Variants in RYR1 observed in about 807,000 individuals in gnomAD.
RYR1 encodes ryanodine receptor 1, also known as central core disease of muscle.
In RYR1, 342 loss-of-function variants were observed where a neutral mutation model predicts 583.5. The observed-to-expected ratio is 0.59, with a 90% CI of 0.54 to 0.64. The LOEUF (loss-of-function observed/expected upper bound fraction) is 0.64. RYR1 is among the 30% of genes least tolerant of loss of function. RYR1 has a pLI of 0.00. For missense variants in RYR1, 6,032 were observed against 6,917.2 expected, an observed-to-expected ratio of 0.87 and a Z score of 4.54; for synonymous variants, 2,791 against 2,822.5, an observed-to-expected ratio of 0.99 and a Z score of 0.35.
At chr19:38,523,410 C>A in intron 69 of RYR1, 101 bp downstream of exon 69, 2 of 1,384,808 alleles carry the variant, frequency 1.4e-6, no homozygotes, top group Non-Finnish European at 2.0e-6. Flanking sequence ...CCGTCCTGGG[C>A]GCAATCCCTG....
chr19:38,582,735 A>C (rs1292258973), intron 101 of RYR1, among the ~76,000 whole-genome samples: 1 of 152,210 alleles, frequency 6.6e-6, no homozygotes, highest in African/African-American at 2.4e-5. Flanking sequence ...AATGGTGATC[A>C]TAACCCAAAT....
In RYR1 at chr19:38,578,135, C is replaced by T; in HGVS notation, c.14304-9C>T. ...ACTCAAGCATCTCTCCCCACCCCCG[C>T]CCCCACAGGCTCATGTCCATCGATG... On this transcript the variant is annotated splice_polypyrimidine_tract_variant and intron_variant, in intron 98 of 105. Transcript: ENST00000359596. 4.3e-6 allele frequency: 7 copies of T among 1,613,388 alleles called. No homozygotes were observed. Among genetic ancestry groups the T allele is most frequent in the Non-Finnish European group, 5.9e-6 (7 of 1,179,728 alleles).
intron 76 of RYR1, 30 bp downstream of exon 76, chr19:38,529,087 G>C (rs904796574): frequency 1.2e-6 from 2 of 1,610,100 alleles, no homozygotes; most frequent in African/African-American, 2.7e-5. Flanking sequence ...CCCCAGAAAT[G>C]CCCCCAAGGT....
intron 90 of RYR1, among the ~76,000 whole-genome samples, chr19:38,563,615 C>T (rs980002547): frequency 2.0e-5 from 3 of 152,214 alleles, no homozygotes; most frequent in African/African-American, 7.2e-5. Flanking sequence ...CATGCAGCAT[C>T]TATTAACTCA....
Position 38,570,591 on chromosome 19 carries a change from T to C in RYR1, c.13660-16T>C, listed in dbSNP as rs1425812048. The C allele has an allele frequency of 3.0e-5, 49 of 1,606,820 alleles. No homozygotes were observed. The highest frequency in any genetic ancestry group is 3.8e-5 in the Non-Finnish European group (45 of 1,173,376). ...TGATCTGTGAGCGCTTTCTCTCTTT[T>C]TCTCTTCTCTCTCAGAACTACCTGT... On this transcript the variant is annotated splice_polypyrimidine_tract_variant and intron_variant, in intron 93 of 105. Coordinates refer to ENST00000359596, the MANE Select transcript of RYR1 (RefSeq NM_000540.3).
At chr19:38,547,718 C>CT (rs34547615) in intron 88 of RYR1, among the ~76,000 whole-genome samples, 12,277 of 142,050 alleles carry the variant, frequency 0.086, 716 homozygotes, top group South Asian at 0.25. Context: ...TCATCATTAT[C>CT]TTTTTTTTTT....
intron 66 of RYR1, among the ~76,000 whole-genome samples, 194 bp downstream of exon 66, chr19:38,517,885 C>A (rs1971048261): frequency 6.6e-6 from 1 of 152,188 alleles, no homozygotes; most frequent in African/African-American, 2.4e-5. Flanking sequence ...TTGGGAGGAT[C>A]AGTTGAGGCC....
chr19:38,504,732 C>T lies in RYR1; in HGVS notation c.8068-16C>T. 6.2e-7 allele frequency: 1 copy of T among 1,613,864 alleles called. No individual in the cohort carries two copies. Among genetic ancestry groups the T allele is most frequent in the East Asian group, 2.2e-5 (1 of 44,880 alleles). ...TTATAGCGACCTCCTACCCCTGCTT[C>T]ACCCGGTTTTCCCAGAAATACGACC... On this transcript the variant is annotated splice_polypyrimidine_tract_variant and intron_variant, in intron 50 of 105. Coordinates refer to ENST00000359596, the MANE Select transcript of RYR1 (RefSeq NM_000540.3).
chr19:38,573,295 T>C lies in RYR1; in HGVS notation c.14117T>C (p.Val4706Ala). 6.2e-7 allele frequency: 1 copy of C among 1,613,452 alleles called. No homozygotes were observed. Among genetic ancestry groups the C allele is most frequent in the Non-Finnish European group, 8.5e-7 (1 of 1,179,790 alleles). ...GTGAAGGGGCAGTGGGACCGACTGG[T>C]GCTCAACACGCCGTAAGGACCCAGC... ...DDVKGQWDRLVLNTPSFPSNY... is the reference protein window; with the variant it reads ...DDVKGQWDRLALNTPSFPSNY... The change falls in exon 96 of 106, where the codon GTG becomes GCG. Residue 4706 changes from valine to alanine, a missense_variant. Physicochemically the swap from Val to Ala is moderately conservative, Grantham distance 64. This residue lies in a region of RYR1 where 188 missense variants were observed against 215.6 expected (regional missense o/e 0.87). Coordinates refer to ENST00000359596, the MANE Select transcript of RYR1 (RefSeq NM_000540.3).
At chr19:38,503,380 CTTA>C (rs1488645361) in intron 49 of RYR1, among the ~76,000 whole-genome samples, 2 of 152,020 alleles carry the variant, frequency 1.3e-5, no homozygotes, top group African/African-American at 2.4e-5. Context: ...CACTGTCTCT[CTTA>C]TTTTTTCATT....
intron 30 of RYR1, 64 bp downstream of exon 30, chr19:38,477,934 C>A: frequency 1.3e-6 from 2 of 1,497,570 alleles, no homozygotes; most frequent in South Asian, 1.2e-5. Context: ...TCAGAGCTCC[C>A]GACACCAGCT....
In RYR1 at chr19:38,561,319, GGA is replaced by G; in HGVS notation, c.12491_12492del (p.Glu4164AlafsTer7). ...ATGACCCTCGCCTGCACAACTTCCT[GGA>G]GCTGGCCGAGAGCATCCTTGAGTAC... The part of the protein sequence containing the change: ...PHDPRLHNFL[E>X]LAESILEYFR... On this transcript the variant is annotated frameshift_variant, in exon 90 of 106. Coordinates refer to ENST00000359596, the MANE Select transcript of RYR1 (RefSeq NM_000540.3). LOFTEE classifies it high-confidence loss of function. The surrounding 1 kb of genome is among the most constrained non-coding windows in gnomAD (Gnocchi z 4.8). 1 of 1,614,030 alleles carries G rather than the reference GGA, an allele frequency of 6.2e-7. No individual in the cohort carries two copies. The highest frequency in any genetic ancestry group is 8.5e-7 in the Non-Finnish European group (1 of 1,180,028).
Position 38,578,602 on chromosome 19 carries a change from G to T in RYR1, c.14364+398G>T, listed in dbSNP as rs373745178. ...AGTCCCAGCACTTTGGGAGGCCGAG[G>T]CAGGCAGATCACTTGAGGTCAGGAG... On this transcript the variant is annotated intron_variant, in intron 99 of 105. Transcript: ENST00000359596. 2.0e-5 allele frequency among the ~76,000 whole-genome samples: 3 copies of T among 152,262 alleles called. No homozygotes were observed. The East Asian group carries it at 5.8e-4, about 29-fold the overall frequency.
At chr19:38,459,923 T>C (rs1967634912) in intron 19 of RYR1, among the ~76,000 whole-genome samples, 1 of 152,156 alleles carries the variant, frequency 6.6e-6, no homozygotes, top group Non-Finnish European at 1.5e-5. Flanking sequence ...GACCCCCCAA[T>C]GATCCAGTCC....
intron 26 of RYR1, 32 bp from the exon 27 acceptor site, chr19:38,469,273 C>T: frequency 6.2e-7 from 1 of 1,612,486 alleles, no homozygotes. Context: ...CCCACCTGCC[C>T]TCACCCCTGC....
chr19:38,443,738 C>T lies in RYR1; in HGVS notation c.366C>T (p.Thr122=). The T allele has an allele frequency of 6.2e-7, 1 of 1,614,114 alleles. No homozygotes were observed. Among genetic ancestry groups the T allele is most frequent in the Non-Finnish European group, 8.5e-7 (1 of 1,179,996 alleles). ...HSRMYLSCLT[T]SRSMTDKLAF... Reference sequence around the variant, plus strand: ...CCTAGTATCTGAGCTGCCTCACCACCTCCCGCTCCATGACTGACAAGCTGG... The same window carrying T: ...CCTAGTATCTGAGCTGCCTCACCACTTCCCGCTCCATGACTGACAAGCTGG... The change falls in exon 5 of 106, where the codon ACC becomes ACT. Residue 122 remains threonine, a synonymous_variant. Transcript: ENST00000359596.
In RYR1 at chr19:38,565,124, G is replaced by A; in HGVS notation, c.12790G>A (p.Gly4264Ser). 1 of 1,534,098 alleles carries A rather than the reference G, an allele frequency of 6.5e-7. No homozygotes were observed. Among genetic ancestry groups the A allele is most frequent in the Non-Finnish European group, 8.7e-7 (1 of 1,144,228 alleles). The change falls in exon 91 of 106, where the codon GGC becomes AGC. Residue 4264 changes from glycine to serine, a missense_variant. Transcript: ENST00000359596. This position sits in a 1 kb window ranked among gnomAD's most constrained non-coding sequence, Gnocchi z 4.7. ...EGEPETDEDE[G>S]AGAAEAGAEG... ...CGAGCCGGAGACCGACGAGGACGAG[G>A]GCGCGGGCGCGGCGGAGGCGGGCGC...
intron 101 of RYR1, among the ~76,000 whole-genome samples, chr19:38,583,297 CAAAAA>C (rs1195725551): frequency 3.0e-5 from 2 of 67,548 alleles, no homozygotes; most frequent in African/African-American, 5.1e-5. Context: ...AACTCCATCT[CAAAAA>C]AAAAAAAAAA....
chr19:38,472,371 G>T (rs961352445), intron 27 of RYR1, among the ~76,000 whole-genome samples: 23 of 152,096 alleles, frequency 1.5e-4, no homozygotes, highest in African/African-American at 5.3e-4. Context: ...AAAGTGCTGG[G>T]ATTACAGGCA....
Sources: gnomAD v4.1 joint callset for allele counts (sites outside exome capture counted in the v4.1 genomes callset) on GRCh38, gnomAD v4.1.1 for gene constraint, gnomAD v4.1.1 regional missense constraint, Gnocchi (gnomAD v3.1) non-coding constraint, MANE v1.5 for transcripts, NCBI Gene and HGNC (gene_info 2026-07-23, HGNC 2026-07-21) for gene names.